SRGAP1: variants seen among roughly 807,000 people sequenced by gnomAD.
SRGAP1 encodes SLIT-ROBO Rho GTPase activating protein 1, also known as SLIT-ROBO Rho GTPase-activating protein 1.
Under a neutral mutation model 121.9 loss-of-function variants are expected in SRGAP1, and 43 were observed. That is an observed-to-expected ratio of 0.35 (90% CI 0.28 to 0.46). The LOEUF (loss-of-function observed/expected upper bound fraction) is 0.46. Among genes scored for constraint, SRGAP1 ranks in the 20% least tolerant of loss-of-function variants. SRGAP1 has a pLI of 1.00. For synonymous variants in SRGAP1, 447 were observed against 485.4 expected (o/e 0.92, Z 1.04); for missense variants, 1,102 against 1,350.9 (o/e 0.82, Z 2.89).
chr12:63,958,912 T>C (rs2032554605), intron 1 of SRGAP1, among the ~76,000 whole-genome samples: 6 of 152,202 alleles, frequency 3.9e-5, no homozygotes, highest in Admixed American at 3.9e-4. Flanking sequence ...ATGTAAAGCA[T>C]TTATTGAAGT....
chr12:64,007,034 A>G (rs1475554710), intron 3 of SRGAP1, among the ~76,000 whole-genome samples: 1 of 152,190 alleles, frequency 6.6e-6, no homozygotes, highest in African/African-American at 2.4e-5. Flanking sequence ...TCCACCAAAC[A>G]GGGCAATCAC....
rs552742531 is a variant in SRGAP1 at position 63,969,698 on chromosome 12, T to G, written c.68-14249T>G. Among the ~76,000 whole-genome samples the G allele has an allele frequency of 1.7e-3, 254 of 151,642 alleles. 2 individuals are homozygous for G. The highest frequency in any genetic ancestry group is 3.1e-3 in the Non-Finnish European group (207 of 67,862). ...AGTCCCAGCTACTCGGGAGGCTGAGTTAGGAGAATGGCGTGAACCCGGGAG... is the reference window on the plus strand; with the variant it reads ...AGTCCCAGCTACTCGGGAGGCTGAGGTAGGAGAATGGCGTGAACCCGGGAG... On this transcript the variant is annotated intron_variant, in intron 1 of 21. Coordinates refer to ENST00000355086, the MANE Select transcript of SRGAP1 (RefSeq NM_020762.4).
chr12:64,031,364 A>G (rs894619432), intron 4 of SRGAP1, among the ~76,000 whole-genome samples: 3 of 151,972 alleles, frequency 2.0e-5, no homozygotes, highest in Non-Finnish European at 4.4e-5. Flanking sequence ...GACACTGAGA[A>G]GTATGTTATA....
chr12:64,124,820 T>A (rs1475887531), intron 18 of SRGAP1, among the ~76,000 whole-genome samples: 1 of 152,164 alleles, frequency 6.6e-6, no homozygotes, highest in Non-Finnish European at 1.5e-5. Context: ...CACAAGCTGT[T>A]GTAAAAAACA....
chr12:64,119,801 G>C (rs886332399), intron 18 of SRGAP1, among the ~76,000 whole-genome samples: 1 of 20,240 alleles, frequency 4.9e-5, no homozygotes, highest in African/African-American at 1.5e-4. Context: ...GCAGAGTTTT[G>C]CTTTTTTTGC....
At chr12:64,003,192 TCCTC>T (rs1445281140) in intron 3 of SRGAP1, among the ~76,000 whole-genome samples, 3 of 151,960 alleles carry the variant, frequency 2.0e-5, no homozygotes, top group Non-Finnish European at 4.4e-5. Context: ...GCTCAGGTGA[TCCTC>T]CCACCTCAGC....
At chr12:63,966,678 A>G (rs2032798919) in intron 1 of SRGAP1, among the ~76,000 whole-genome samples, 1 of 152,078 alleles carries the variant, frequency 6.6e-6, no homozygotes, top group Non-Finnish European at 1.5e-5. Flanking sequence ...TTCTTAATTT[A>G]GGCTTAAAAG....
chr12:63,859,763 A>C (rs190108970), intron 1 of SRGAP1, among the ~76,000 whole-genome samples: 2 of 152,286 alleles, frequency 1.3e-5, no homozygotes, highest in African/African-American at 4.8e-5. Flanking sequence ...CATGAAATGG[A>C]ATACAATTCC....
At chr12:64,104,415 G>A (rs2036306667) in intron 15 of SRGAP1, among the ~76,000 whole-genome samples, 1 of 152,132 alleles carries the variant, frequency 6.6e-6, no homozygotes, top group Admixed American at 6.6e-5. Flanking sequence ...GTGAAATACT[G>A]ATTTTCCCCA....
intron 21 of SRGAP1, among the ~76,000 whole-genome samples, chr12:64,139,528 A>G (rs1000093962): frequency 5.9e-5 from 9 of 152,080 alleles, no homozygotes; most frequent in South Asian, 2.1e-4. Context: ...TCTTGGCTGC[A>G]TAAATGTCTT....
chr12:64,095,283 C>CT, intron 14 of SRGAP1, 79 bp downstream of exon 14: 3 of 1,252,332 alleles, frequency 2.4e-6, no homozygotes, highest in Non-Finnish European at 3.5e-6. Context: ...CACCCTTATT[C>CT]TGTATATCCT....
At chr12:64,075,057 G>A (rs1364009128) in intron 8 of SRGAP1, among the ~76,000 whole-genome samples, 2 of 151,944 alleles carry the variant, frequency 1.3e-5, no homozygotes, top group African/African-American at 4.8e-5. Context: ...CGGCGCTAGA[G>A]AAATTAAAGA....
chr12:64,130,975 G>A (rs1038444672), intron 21 of SRGAP1, among the ~76,000 whole-genome samples: 1 of 152,238 alleles, frequency 6.6e-6, no homozygotes, highest in African/African-American at 2.4e-5. Context: ...CGAGGGCTGT[G>A]TTGGCTTCTG....
At chr12:63,905,418 A>G (rs1354969340) in intron 1 of SRGAP1, among the ~76,000 whole-genome samples, 2 of 152,214 alleles carry the variant, frequency 1.3e-5, no homozygotes, top group Non-Finnish European at 1.5e-5. Flanking sequence ...GTAATATCGG[A>G]TGGTCCAACT....
intron 1 of SRGAP1, among the ~76,000 whole-genome samples, chr12:63,923,342 T>C (rs1055379797): frequency 1.3e-5 from 2 of 152,218 alleles, no homozygotes; most frequent in Non-Finnish European, 2.9e-5. Context: ...ATAACGGCCG[T>C]ACTTACAACA....
At chr12:63,895,997 A>G (rs1016666055) in intron 1 of SRGAP1, among the ~76,000 whole-genome samples, 1 of 152,162 alleles carries the variant, frequency 6.6e-6, no homozygotes, top group East Asian at 1.9e-4. Context: ...AGATTTTCTT[A>G]TAAGACTCAA....
intron 1 of SRGAP1, among the ~76,000 whole-genome samples, chr12:63,894,597 T>A (rs1900692678): frequency 6.6e-6 from 1 of 152,128 alleles, no homozygotes; most frequent in African/African-American, 2.4e-5. Context: ...ACATTAGTTA[T>A]ATCTCCTAAT....
chr12:63,867,465 T>C (rs900608155), intron 1 of SRGAP1, among the ~76,000 whole-genome samples: 1 of 152,220 alleles, frequency 6.6e-6, no homozygotes, highest in Admixed American at 6.5e-5. Flanking sequence ...GTTTCAGTGA[T>C]TGAACTTCAT....
At chr12:64,060,744 A>G (rs776392062) in intron 6 of SRGAP1, among the ~76,000 whole-genome samples, 19 of 152,300 alleles carry the variant, frequency 1.2e-4, no homozygotes, top group East Asian at 1.9e-4. Context: ...GACAGATCCA[A>G]TGTTTCACAT....
Sources: allele counts gnomAD v4.1 joint callset (sites outside exome capture counted in the v4.1 genomes callset), GRCh38; gene constraint gnomAD v4.1.1; transcripts MANE v1.5; gene names NCBI Gene and HGNC (gene_info 2026-07-23, HGNC 2026-07-21).